The following RPRD1A variants were observed in gnomAD, a reference collection of about 807,000 sequenced individuals.
RPRD1A encodes regulation of nuclear pre-mRNA domain containing 1A, also known as regulation of nuclear pre-mRNA domain-containing protein 1A.
Under a neutral mutation model 37.8 loss-of-function variants are expected in RPRD1A, and 9 were observed. The observed-to-expected ratio is 0.24, with a 90% confidence interval of 0.14 to 0.42. The LOEUF (loss-of-function observed/expected upper bound fraction) is 0.42. Ranked by LOEUF, RPRD1A falls within the 10% of genes least tolerant of loss-of-function variation. The pLI is 1.00. For missense variants in RPRD1A, 255 were observed against 371.0 expected (o/e 0.69, Z 2.57); for synonymous variants, 138 against 139.7 (o/e 0.99, Z 0.08).
At chr18:36,030,177 AT>A (rs1335264154) in intron 4 of RPRD1A, among the ~76,000 whole-genome samples, 1 of 151,274 alleles carries the variant, frequency 6.6e-6, no homozygotes, top group Non-Finnish European at 1.5e-5. Context: ...AAGAATGAAA[AT>A]TTTAGTGTAT....
intron 6 of RPRD1A, among the ~76,000 whole-genome samples, chr18:35,996,992 A>G (rs1225327694): frequency 4.0e-5 from 6 of 150,206 alleles, no homozygotes; most frequent in Non-Finnish European, 7.4e-5. Context: ...AAAAAAAAAA[A>G]AAAAAAAAAA....
chr18:36,019,789 C>T (rs1910868138), intron 6 of RPRD1A, among the ~76,000 whole-genome samples: 1 of 152,190 alleles, frequency 6.6e-6, no homozygotes, highest in Non-Finnish European at 1.5e-5. Flanking sequence ...CCTGTAATCT[C>T]AGCACTCTGG....
At chr18:36,062,818 C>T (rs1773226911) in intron 1 of RPRD1A, among the ~76,000 whole-genome samples, 1 of 152,160 alleles carries the variant, frequency 6.6e-6, no homozygotes, top group African/African-American at 2.4e-5. Flanking sequence ...AGCTAAATGG[C>T]ATGGAGTTTC....
At chr18:36,034,282 T>A (rs956699909) in intron 1 of RPRD1A, among the ~76,000 whole-genome samples, 1 of 152,350 alleles carries the variant, frequency 6.6e-6, no homozygotes, top group African/African-American at 2.4e-5. Context: ...AATCAATTAC[T>A]ATTTTTTGTT....
At chr18:35,993,426 T>G (rs764448226) in intron 6 of RPRD1A, 126 bp from the exon 7 acceptor site, 18 of 914,698 alleles carry the variant, frequency 2.0e-5, no homozygotes, top group Non-Finnish European at 2.8e-5. Context: ...GTTATTCCAG[T>G]GTGAGTTTTC....
intron 6 of RPRD1A, among the ~76,000 whole-genome samples, chr18:35,995,488 G>A (rs901257546): frequency 2.0e-5 from 3 of 151,934 alleles, no homozygotes; most frequent in Non-Finnish European, 2.9e-5. Flanking sequence ...GGCTGGTCTC[G>A]AATTCCCGAC....
At chr18:36,037,995 T>C (rs908270009) in intron 1 of RPRD1A, among the ~76,000 whole-genome samples, 3 of 152,146 alleles carry the variant, frequency 2.0e-5, no homozygotes, top group Non-Finnish European at 4.4e-5. Flanking sequence ...TTCACAAAGA[T>C]ACGGTTTGGA....
intron 6 of RPRD1A, among the ~76,000 whole-genome samples, chr18:35,993,705 C>G (rs1908849748): frequency 6.6e-6 from 1 of 152,182 alleles, no homozygotes; most frequent in Non-Finnish European, 1.5e-5. Context: ...CAGGACTGCT[C>G]CCTTCCTGTG....
intron 1 of RPRD1A, among the ~76,000 whole-genome samples, chr18:36,044,220 G>A (rs538629727): frequency 7.9e-5 from 12 of 152,166 alleles, no homozygotes; most frequent in African/African-American, 2.6e-4. Flanking sequence ...GAGGTGGAAA[G>A]GAAGGCAGAC....
intron 6 of RPRD1A, among the ~76,000 whole-genome samples, chr18:36,005,304 A>T (rs1374467373): frequency 6.6e-6 from 1 of 152,156 alleles, no homozygotes; most frequent in South Asian, 2.1e-4. Context: ...CTGTCTCAAA[A>T]AAAATAAAAT....
chr18:35,991,642 C>G lies in RPRD1A; in HGVS notation c.*1509G>C, dbSNP rs1190559530. The G allele has an allele frequency of 1.3e-5, 2 of 152,120 alleles. No homozygotes were observed. Among genetic ancestry groups the G allele is most frequent in the Admixed American group, 6.5e-5 (1 of 15,268 alleles). The allele number at this position is 152,120 out of a possible 1,614,324, so 9.4% of individuals were successfully genotyped here. ...AGTTGACTAAAAACTTTGGAATAAG[C>G]CATGTATTATTAGTAGTGCATGGAT... On this transcript the variant is annotated 3_prime_UTR_variant, in exon 7 of 7. Coordinates refer to ENST00000399022, the MANE Select transcript of RPRD1A (RefSeq NM_018170.5).
At chr18:36,046,661 G>A (rs558508329) in intron 1 of RPRD1A, among the ~76,000 whole-genome samples, 40 of 151,092 alleles carry the variant, frequency 2.6e-4, no homozygotes, top group African/African-American at 5.6e-4. Context: ...GTGAAACCCC[G>A]TCTTCACAGA....
chr18:36,058,947 G>C (rs28651028), intron 1 of RPRD1A, among the ~76,000 whole-genome samples: 2 of 151,894 alleles, frequency 1.3e-5, no homozygotes, highest in Non-Finnish European at 2.9e-5. Flanking sequence ...TAAAGATCTG[G>C]AAAAATGTAA....
intron 1 of RPRD1A, among the ~76,000 whole-genome samples, chr18:36,054,637 T>C (rs1913634172): frequency 6.6e-6 from 1 of 151,948 alleles, no homozygotes; most frequent in South Asian, 2.1e-4. Flanking sequence ...AATAAGGAAT[T>C]GGCCATGGGA....
intron 1 of RPRD1A, among the ~76,000 whole-genome samples, chr18:36,041,858 G>A (rs1269068539): frequency 6.6e-6 from 1 of 152,216 alleles, no homozygotes; most frequent in Non-Finnish European, 1.5e-5. Flanking sequence ...GACACAGCTG[G>A]CTGCTTCTCC....
chr18:36,031,574 C>T (rs916183647), intron 2 of RPRD1A, among the ~76,000 whole-genome samples: 1 of 151,968 alleles, frequency 6.6e-6, no homozygotes, highest in Non-Finnish European at 1.5e-5. Context: ...AAGAGATATC[C>T]GGAAGAGTAT....
At chr18:36,050,126 T>A (rs1913271729) in intron 1 of RPRD1A, among the ~76,000 whole-genome samples, 1 of 151,958 alleles carries the variant, frequency 6.6e-6, no homozygotes, top group African/African-American at 2.4e-5. Context: ...AAGTTTCAGT[T>A]TGGGAAAATG....
intron 6 of RPRD1A, among the ~76,000 whole-genome samples, chr18:36,014,505 A>C (rs1347254506): frequency 3.9e-5 from 6 of 152,186 alleles, no homozygotes; most frequent in Admixed American, 3.9e-4. Flanking sequence ...TTGGAAGGCC[A>C]AGGCAGGCGG....
At chr18:36,039,136 G>A (rs984963676) in intron 1 of RPRD1A, among the ~76,000 whole-genome samples, 9 of 152,034 alleles carry the variant, frequency 5.9e-5, no homozygotes, top group African/African-American at 2.2e-4. Flanking sequence ...GGGGTGGAAT[G>A]ATATGGTTTG....
Sources: gnomAD v4.1 joint callset for allele counts (sites outside exome capture counted in the v4.1 genomes callset) on GRCh38, gnomAD v4.1.1 for gene constraint, MANE v1.5 for transcripts, NCBI Gene and HGNC (gene_info 2026-07-23, HGNC 2026-07-21) for gene names.